The following ERBB4 variants were observed in gnomAD, a reference collection of about 807,000 sequenced individuals.
ERBB4 encodes the protein erb-b2 receptor tyrosine kinase 4.
Under a neutral mutation model 158.0 loss-of-function variants are expected in ERBB4, and 42 were observed. The observed-to-expected ratio is 0.27, with a 90% confidence interval of 0.21 to 0.34. ERBB4 has a LOEUF of 0.34. Ranked by LOEUF, ERBB4 falls within the 10% of genes least tolerant of loss-of-function variation. ERBB4 has a pLI of 1.00. For synonymous variants in ERBB4, 583 were observed against 558.7 expected (o/e 1.04, Z -0.61); for missense variants, 1,333 against 1,624.1 (o/e 0.82, Z 3.08).
intron 3 of ERBB4, among the ~76,000 whole-genome samples, chr2:211,833,575 G>A (rs555391965): frequency 1.3e-5 from 2 of 151,994 alleles, no homozygotes; most frequent in South Asian, 2.1e-4. Context: ...CTTCCCTGAG[G>A]GATGGATAGA....
chr2:211,456,881 C>A (rs1011695485), intron 20 of ERBB4, among the ~76,000 whole-genome samples: 11 of 152,138 alleles, frequency 7.2e-5, no homozygotes, highest in African/African-American at 2.7e-4. Context: ...CACTTGCAGC[C>A]CCCTTCACCT....
At chr2:212,523,027 T>C (rs1575078003) in intron 1 of ERBB4, among the ~76,000 whole-genome samples, 2 of 152,000 alleles carry the variant, frequency 1.3e-5, no homozygotes, top group Middle Eastern at 6.8e-3. Context: ...AAAATAATGT[T>C]AAAAGAATGG....
intron 1 of ERBB4, among the ~76,000 whole-genome samples, chr2:212,125,799 T>C (rs2079907095): frequency 6.6e-6 from 1 of 152,246 alleles, no homozygotes; most frequent in African/African-American, 2.4e-5. Context: ...TGTACCAGAT[T>C]TTCTTTATCC....
At chr2:212,039,838 CA>C in intron 2 of ERBB4, among the ~76,000 whole-genome samples, 1 of 150,652 alleles carries the variant, frequency 6.6e-6, no homozygotes, top group East Asian at 1.9e-4. Flanking sequence ...CCTACCACCA[CA>C]AAAAAAAGAA....
chr2:211,665,499 A>G (rs757051957), intron 14 of ERBB4, 22 bp from the exon 15 acceptor site: 3 of 1,611,732 alleles, frequency 1.9e-6, no homozygotes, highest in African/African-American at 1.3e-5. Context: ...AAACGAAAAA[A>G]AAAGAAAAAA....
At chr2:212,214,419 A>T (rs1005098360) in intron 1 of ERBB4, among the ~76,000 whole-genome samples, 10 of 151,826 alleles carry the variant, frequency 6.6e-5, no homozygotes, top group African/African-American at 2.4e-4. Context: ...ATATTTTGGG[A>T]CATACACTAC....
chr2:212,374,616 AACACAC>A (rs368428864), intron 1 of ERBB4, among the ~76,000 whole-genome samples: 1 of 151,084 alleles, frequency 6.6e-6, no homozygotes, highest in African/African-American at 2.4e-5. Flanking sequence ...TACAAATATA[AACACAC>A]ACACACACAC....
At chr2:211,503,793 A>G (rs539050297) in intron 20 of ERBB4, among the ~76,000 whole-genome samples, 1 of 151,962 alleles carries the variant, frequency 6.6e-6, no homozygotes, top group South Asian at 2.1e-4. Context: ...GGCTTAGGAG[A>G]GGTGCTTCCT....
intron 2 of ERBB4, among the ~76,000 whole-genome samples, chr2:212,070,597 T>C (rs1009326612): frequency 5.9e-5 from 9 of 152,074 alleles, no homozygotes; most frequent in African/African-American, 2.2e-4. Context: ...GGAGAAAAAC[T>C]AGTTCTTCCA....
intron 1 of ERBB4, among the ~76,000 whole-genome samples, chr2:212,193,602 C>A (rs1016292823): frequency 6.6e-6 from 1 of 151,734 alleles, no homozygotes; most frequent in African/African-American, 2.4e-5. Flanking sequence ...TACATGAGAA[C>A]TCTTAGAACA....
chr2:212,175,898 G>A (rs1199085782), intron 1 of ERBB4, among the ~76,000 whole-genome samples: 1 of 151,780 alleles, frequency 6.6e-6, no homozygotes, highest in African/African-American at 2.4e-5. Flanking sequence ...AAAGTGAATG[G>A]TTTGAGGTCA....
chr2:212,385,523 C>G (rs1302884219), intron 1 of ERBB4, among the ~76,000 whole-genome samples: 1 of 151,826 alleles, frequency 6.6e-6, no homozygotes, highest in East Asian at 1.9e-4. Flanking sequence ...CAACTCTCTT[C>G]TTGATATAAA....
At chr2:212,121,966 C>T (rs2079763911) in intron 2 of ERBB4, among the ~76,000 whole-genome samples, 1 of 151,854 alleles carries the variant, frequency 6.6e-6, no homozygotes, top group Non-Finnish European at 1.5e-5. Flanking sequence ...GCACTCCACC[C>T]CTACCATTAA....
At chr2:212,224,697 G>A (rs925087945) in intron 1 of ERBB4, among the ~76,000 whole-genome samples, 4 of 151,958 alleles carry the variant, frequency 2.6e-5, no homozygotes, top group Admixed American at 6.6e-5. Flanking sequence ...CAGCCAACAC[G>A]TAGCTTAAAA....
At chr2:212,439,609 G>A (rs1020098490) in intron 1 of ERBB4, among the ~76,000 whole-genome samples, 1 of 151,976 alleles carries the variant, frequency 6.6e-6, no homozygotes, top group Admixed American at 6.6e-5. Flanking sequence ...ATTTCTGTAG[G>A]TATGAAACTT....
At chr2:211,745,414 G>A (rs1043401723) in intron 5 of ERBB4, among the ~76,000 whole-genome samples, 12 of 152,228 alleles carry the variant, frequency 7.9e-5, no homozygotes, top group African/African-American at 2.9e-4. Context: ...CAGACTAAGA[G>A]AGAGAGAGGA....
chr2:212,490,828 G>A (rs1162047294), intron 1 of ERBB4, among the ~76,000 whole-genome samples: 1 of 151,700 alleles, frequency 6.6e-6, no homozygotes, highest in Non-Finnish European at 1.5e-5. Context: ...AGTAACTTTA[G>A]CAGTGTTTAG....
At position 212,046,712 on chromosome 2, in the gene ERBB4, G is replaced by T. The variant is rs551095284; in HGVS notation, c.234+78040C>A. Among the ~76,000 whole-genome samples the T allele has an allele frequency of 8.5e-5, 13 of 152,248 alleles. No individual in the cohort carries two copies. The South Asian group carries it at 2.7e-3, about 32-fold the overall frequency. ...AATCTTAAAGCCAGGAGATTTGGGG[G>T]CCGTGGCACAAATCTATCAGATGTA... is the stretch of plus-strand genomic sequence containing the variant. On this transcript the variant is annotated intron_variant, in intron 2 of 27. Coordinates refer to ENST00000342788, the MANE Select transcript of ERBB4 (RefSeq NM_005235.3).
Position 211,722,497 on chromosome 2 carries a change from G to A in ERBB4, c.779C>T (p.Thr260Ile), listed in dbSNP as rs2106122590. The A allele has an allele frequency of 6.2e-7, 1 of 1,613,876 alleles. No individual in the cohort carries two copies. Among genetic ancestry groups the A allele is most frequent in the Non-Finnish European group, 8.5e-7 (1 of 1,179,776 alleles). Reference protein sequence around the residue: ...MNFNDSGACVTQCPQTFVYNP... With the variant: ...MNFNDSGACVIQCPQTFVYNP... ...GTAGACAAAGGTTTGGGGACACTGA[G>A]TAACACATGCTCCACTGTCATTGAA... Residue 260 changes from threonine (T) to isoleucine (I), a missense_variant, in exon 7 of 28, where the codon ACT becomes ATT. Coordinates refer to ENST00000342788, the MANE Select transcript of ERBB4 (RefSeq NM_005235.3).
Sources: allele counts gnomAD v4.1 joint callset (sites outside exome capture counted in the v4.1 genomes callset), GRCh38; gene constraint gnomAD v4.1.1; transcripts MANE v1.5; gene names NCBI Gene and HGNC (gene_info 2026-07-23, HGNC 2026-07-21).